Variants in ANXA13 observed in about 807,000 individuals in gnomAD.
ANXA13 encodes annexin A13.
Under a neutral mutation model 46.6 loss-of-function variants are expected in ANXA13, and 36 were observed. The observed-to-expected ratio is 0.77, with a 90% CI of 0.59 to 1.02. ANXA13 has a LOEUF of 1.02. ANXA13 is among the 50% of genes least tolerant of loss of function. The pLI is 0.00. For missense variants in ANXA13, 417 were observed against 396.5 expected (o/e 1.05, Z -0.44); for synonymous variants, 163 against 152.9 (o/e 1.07, Z -0.49).
intron 2 of ANXA13, 76 bp from the exon 3 acceptor site, chr8:123,702,812 G>A: frequency 9.5e-6 from 13 of 1,361,750 alleles, no homozygotes; most frequent in Non-Finnish European, 1.3e-5. Flanking sequence ...CCAGGGTGAG[G>A]AAGCCAGGAC....
chr8:123,709,383 A>G (rs1813610894), intron 2 of ANXA13, among the ~76,000 whole-genome samples: 1 of 111,244 alleles, frequency 9.0e-6, no homozygotes, highest in African/African-American at 3.5e-5. Flanking sequence ...TCTCTCCTTC[A>G]CTCTCTCCCT....
At chr8:123,706,788 T>C (rs746870950) in intron 2 of ANXA13, among the ~76,000 whole-genome samples, 13 of 152,202 alleles carry the variant, frequency 8.5e-5, no homozygotes, top group Non-Finnish European at 1.6e-4. Context: ...TGGGGCCTTT[T>C]GGCCTCTCAA....
chr8:123,688,941 A>G lies in ANXA13; in HGVS notation c.648T>C (p.Ile216=). ...CAATGGCTTCTTCTATGTCTTTGCC[A>G]ATGAGCTGCAGCGAAAACCAAAATC... ...RATFQAYQIL[I]GKDIEEAIEE... Residue 216 remains isoleucine (I), a synonymous_variant, in exon 9 of 11, where the codon ATT becomes ATC. Transcript: ENST00000419625. The G allele has an allele frequency of 1.2e-6, 2 of 1,613,680 alleles. No individual in the cohort carries two copies.
At chr8:123,700,365 T>C (rs576139239) in intron 3 of ANXA13, among the ~76,000 whole-genome samples, 8 of 152,224 alleles carry the variant, frequency 5.3e-5, no homozygotes, top group Non-Finnish European at 1.0e-4. Context: ...TCGGGATAGC[T>C]CAGCTCTACT....
rs532637751 is a variant in ANXA13, at chr8:123,714,914, G to A, written c.16-2161C>T. The stretch of plus-strand genomic sequence containing the variant: ...AGGCAGGTTAGATAATTTGTTTGAG[G>A]TCTGGCAGGATGCAGGACTGAACCC... On this transcript the variant is annotated intron_variant, in intron 1 of 10. Coordinates refer to ENST00000419625, the MANE Select transcript of ANXA13 (RefSeq NM_004306.4). 3.5e-4 allele frequency among the ~76,000 whole-genome samples: 53 copies of A among 152,318 alleles called. 1 individual carries two copies. The highest frequency in any genetic ancestry group is 1.3e-3 in the African/African-American group (52 of 41,576).
In ANXA13 at chr8:123,685,331, C is replaced by G. The variant is rs151031663; in HGVS notation, c.719-609G>C. Among the ~76,000 whole-genome samples, 1,327 of 152,188 alleles carry G rather than the reference C, an allele frequency of 8.7e-3. 8 individuals carry two copies. Among genetic ancestry groups the G allele is most frequent in the Non-Finnish European group, 0.012 (784 of 68,016 alleles). On this transcript the variant is annotated intron_variant, in intron 9 of 10. Transcript: ENST00000419625. ...CTACGATGCTGCTATTTGCTCTTTC[C>G]TGGCTTCCCCTTGCCTTCCAGCTTT...
In ANXA13 at chr8:123,712,692, G is replaced by A. The variant is rs756844002; in HGVS notation, c.77C>T (p.Ala26Val). 2 of 1,614,006 alleles carry A rather than the reference G, an allele frequency of 1.2e-6. No homozygotes were observed. The highest frequency in any genetic ancestry group is 1.7e-6 in the Non-Finnish European group (2 of 1,179,994). The change falls in exon 2 of 11, where the codon GCC (alanine) becomes GTC (valine). Residue 26 changes from alanine (A) to valine (V), a missense_variant. Coordinates refer to ENST00000419625, the MANE Select transcript of ANXA13 (RefSeq NM_004306.4). ...ATCTCTCATACCCATTCCTTTGCAGGCTTTGTTCAGCTTTTTGGCATCTCG... is the reference window on the plus strand; with the variant it reads ...ATCTCTCATACCCATTCCTTTGCAGACTTTGTTCAGCTTTTTGGCATCTCG... The part of the protein sequence containing the change: ...VDRDAKKLNK[A>V]CKGMGTNEAA...
intron 2 of ANXA13, among the ~76,000 whole-genome samples, chr8:123,711,075 G>A (rs897512528): frequency 1.3e-5 from 2 of 152,052 alleles, no homozygotes; most frequent in Non-Finnish European, 2.9e-5. Flanking sequence ...CCTACTCAGT[G>A]GGGCCCTTAG....
intron 1 of ANXA13, among the ~76,000 whole-genome samples, chr8:123,720,860 A>G (rs1813855221): frequency 1.3e-5 from 2 of 152,130 alleles, no homozygotes; most frequent in African/African-American, 4.8e-5. Context: ...CTTGGCCTCC[A>G]TAAGTATTAG....
intron 6 of ANXA13, 140 bp downstream of exon 6, chr8:123,695,362 G>A (rs776811891): frequency 1.3e-4 from 89 of 672,422 alleles, no homozygotes; most frequent in South Asian, 5.0e-4. Flanking sequence ...GGCTGATGGA[G>A]CATGGGTTGA....
intron 6 of ANXA13, among the ~76,000 whole-genome samples, chr8:123,695,201 C>G (rs112365720): frequency 1.7e-3 from 262 of 151,964 alleles, no homozygotes; most frequent in African/African-American, 6.1e-3. Context: ...GGTTACCCAC[C>G]CTCTCATGGC....
At chr8:123,697,617 A>G (rs7386945) in intron 4 of ANXA13, among the ~76,000 whole-genome samples, 1 of 152,250 alleles carries the variant, frequency 6.6e-6, no homozygotes, top group African/African-American at 2.4e-5. Flanking sequence ...CTGCTCCAAC[A>G]TCTGCTTCTA....
At chr8:123,696,714 A>C (rs1220448877) in intron 4 of ANXA13, among the ~76,000 whole-genome samples, 1 of 152,118 alleles carries the variant, frequency 6.6e-6, no homozygotes. Context: ...GTGTTTGTGC[A>C]GCTCCCTCCC....
chr8:123,691,978 C>T (rs1275581619), intron 8 of ANXA13, among the ~76,000 whole-genome samples: 4 of 152,148 alleles, frequency 2.6e-5, no homozygotes, highest in Non-Finnish European at 5.9e-5. Flanking sequence ...TCAGAGGCTA[C>T]GCAGCTCCAG....
chr8:123,709,755 T>C (rs912631815), intron 2 of ANXA13, among the ~76,000 whole-genome samples: 5 of 152,192 alleles, frequency 3.3e-5, no homozygotes, highest in Non-Finnish European at 7.3e-5. Flanking sequence ...AAGTTTCATA[T>C]ATGTATGTGT....
intron 1 of ANXA13, among the ~76,000 whole-genome samples, chr8:123,714,526 C>T (rs931194189): frequency 2.6e-5 from 4 of 152,186 alleles, no homozygotes; most frequent in African/African-American, 7.2e-5. Flanking sequence ...TGGGCTTCCC[C>T]GTTTCATTAG....
intron 2 of ANXA13, among the ~76,000 whole-genome samples, chr8:123,706,129 C>T (rs1813535287): frequency 6.6e-6 from 1 of 152,214 alleles, no homozygotes; most frequent in Non-Finnish European, 1.5e-5. Flanking sequence ...AGTTGCCTGC[C>T]TGGTGCTGGC....
At chr8:123,716,236 C>T (rs1813757048) in intron 1 of ANXA13, among the ~76,000 whole-genome samples, 1 of 152,164 alleles carries the variant, frequency 6.6e-6, no homozygotes, top group Non-Finnish European at 1.5e-5. Context: ...CAGGCATGTG[C>T]CACCACGCCT....
chr8:123,730,022 A>C (rs1451144402), intron 1 of ANXA13, among the ~76,000 whole-genome samples: 1 of 151,196 alleles, frequency 6.6e-6, no homozygotes, highest in African/African-American at 2.4e-5. Flanking sequence ...CCTTTCCCTC[A>C]CCTCCCACAT....
Sources: gnomAD v4.1 joint callset for allele counts (sites outside exome capture counted in the v4.1 genomes callset) on GRCh38, gnomAD v4.1.1 for gene constraint, MANE v1.5 for transcripts, NCBI Gene and HGNC (gene_info 2026-07-23, HGNC 2026-07-21) for gene names.